Variants in ADGRA3 observed in about 807,000 individuals in gnomAD.
ADGRA3 encodes G-protein coupled receptor 125.
ADGRA3 carries 56 observed loss-of-function variants against 119.8 expected under a neutral mutation model. The observed-to-expected ratio is 0.47, with a 90% CI of 0.38 to 0.58. The LOEUF (loss-of-function observed/expected upper bound fraction) is 0.58, where lower values mean the gene tolerates loss of function less well. ADGRA3 is among the 20% of genes least tolerant of loss of function. The pLI is 0.00. For synonymous variants in ADGRA3, 607 were observed against 623.8 expected (o/e 0.97, Z 0.40); for missense variants, 1,516 against 1,649.0 (o/e 0.92, Z 1.40).
chr4:22,388,899 G>A lies in ADGRA3; in HGVS notation c.2772C>T (p.Ala924=). Residue 924 remains alanine, a synonymous_variant, in exon 19 of 19, where the codon GCC becomes GCT. Transcript: ENST00000334304. ...TGCAGTTTACAAAAGTGATGAAGCTGGCTGGCCCATAGAAGGCTCCCAAGG... is the reference window on the plus strand; with the variant it reads ...TGCAGTTTACAAAAGTGATGAAGCTAGCTGGCCCATAGAAGGCTCCCAAGG... ...EPSLGAFYGP[A]SFITFVNCMY... is the part of the protein sequence containing the mutation. 6.2e-7 allele frequency: 1 copy of A among 1,614,116 alleles called. No homozygotes were observed.
intron 7 of ADGRA3, among the ~76,000 whole-genome samples, chr4:22,441,744 T>C (rs947613027): frequency 6.6e-6 from 1 of 152,110 alleles, no homozygotes; most frequent in Non-Finnish European, 1.5e-5. Flanking sequence ...ATTGCCCACA[T>C]GTTGGAATTA....
intron 1 of ADGRA3, among the ~76,000 whole-genome samples, chr4:22,498,957 C>CA (rs1718952251): frequency 6.6e-6 from 1 of 151,254 alleles, no homozygotes; most frequent in South Asian, 2.1e-4. Flanking sequence ...AATCAGTTAA[C>CA]AAAAAGACAG....
chr4:22,491,240 C>T (rs1718611774), intron 1 of ADGRA3, among the ~76,000 whole-genome samples: 1 of 152,134 alleles, frequency 6.6e-6, no homozygotes, highest in South Asian at 2.1e-4. Flanking sequence ...AACTCCAGGG[C>T]AGAAGTCAAG....
chr4:22,445,008 G>C lies in ADGRA3; in HGVS notation c.671C>G (p.Pro224Arg), dbSNP rs930614453. Residue 224 changes from proline to arginine, a missense_variant, in exon 6 of 19, where the codon CCA becomes CGA. By Grantham distance (103) the Pro-to-Arg change is moderately radical. Transcript: ENST00000334304. ...CVYPKSLQAQ[P>R]VTGVKQELLT... is the part of the protein sequence containing the mutation. The stretch of plus-strand genomic sequence containing the variant: ...CAGCTCCTGCTTCACGCCTGTGACT[G>C]GTTGGGCCTGCAGTGACTTAGGATA... The C allele has an allele frequency of 6.2e-7, 1 of 1,613,642 alleles. No individual in the cohort carries two copies. The highest frequency in any genetic ancestry group is 8.5e-7 in the Non-Finnish European group (1 of 1,179,908).
chr4:22,466,544 T>C lies in ADGRA3; in HGVS notation c.330-4736A>G, dbSNP rs561322387. On this transcript the variant is annotated intron_variant, in intron 2 of 18. Transcript: ENST00000334304. ...GAGTTCGAGAACAGCCTGGCCAACATGGTGAAACCCCGTCTCTACTAAAAA... is the reference window on the plus strand; with the variant it reads ...GAGTTCGAGAACAGCCTGGCCAACACGGTGAAACCCCGTCTCTACTAAAAA... 2.6e-5 allele frequency among the ~76,000 whole-genome samples: 4 copies of C among 152,228 alleles called. No individual in the cohort carries two copies. In the South Asian group the frequency reaches 8.3e-4, roughly 32 times the overall value.
At chr4:22,437,462 C>T (rs925248251) in intron 8 of ADGRA3, among the ~76,000 whole-genome samples, 3 of 152,118 alleles carry the variant, frequency 2.0e-5, no homozygotes, top group African/African-American at 7.2e-5. Flanking sequence ...AATAAACAAT[C>T]TTTATGCTGC....
chr4:22,500,059 T>C (rs1577385921), intron 1 of ADGRA3, among the ~76,000 whole-genome samples: 1 of 152,276 alleles, frequency 6.6e-6, no homozygotes, highest in South Asian at 2.1e-4. Context: ...CCAAGAAGTT[T>C]TGGATTTTGG....
rs1275408318 is a variant in ADGRA3 at position 22,495,308 on chromosome 4, G to A, written c.257+20220C>T. On this transcript the variant is annotated intron_variant, in intron 1 of 18. Transcript: ENST00000334304. The stretch of plus-strand genomic sequence containing the variant: ...AAAACTTATGGCTGCGCACAGTGGC[G>A]CACACCTATAATCCCAGCACATTGA... Among the ~76,000 whole-genome samples the A allele has an allele frequency of 4.6e-5, 7 of 152,138 alleles. No individual in the cohort carries two copies. In the East Asian group the frequency reaches 1.2e-3, roughly 25 times the overall value.
At chr4:22,486,862 G>T (rs56965161) in intron 1 of ADGRA3, among the ~76,000 whole-genome samples, 2,370 of 152,206 alleles carry the variant, frequency 0.016, 66 homozygotes, top group African/African-American at 0.053. Flanking sequence ...ATCATCCCAG[G>T]CCTTTCTAAG....
chr4:22,513,775 G>C (rs550720028), intron 1 of ADGRA3, among the ~76,000 whole-genome samples: 5 of 137,650 alleles, frequency 3.6e-5, no homozygotes, highest in Admixed American at 7.8e-5. Flanking sequence ...ACCTCACAAA[G>C]CCCTGGGATT....
At chr4:22,501,526 T>C (rs1719047926) in intron 1 of ADGRA3, among the ~76,000 whole-genome samples, 2 of 151,996 alleles carry the variant, frequency 1.3e-5, no homozygotes, top group South Asian at 2.1e-4. Flanking sequence ...GAATGAGTCA[T>C]GTTATACTCA....
intron 1 of ADGRA3, among the ~76,000 whole-genome samples, chr4:22,507,045 T>C (rs898954948): frequency 6.7e-6 from 1 of 150,030 alleles, no homozygotes; most frequent in Non-Finnish European, 1.5e-5. Flanking sequence ...AGAGTATCCT[T>C]GCTAACACGA....
At chr4:22,468,789 G>A (rs1717754764) in intron 2 of ADGRA3, among the ~76,000 whole-genome samples, 2 of 151,358 alleles carry the variant, frequency 1.3e-5, no homozygotes, top group Non-Finnish European at 1.5e-5. Context: ...AAAAGATAGA[G>A]ATGGAAGAAG....
intron 2 of ADGRA3, among the ~76,000 whole-genome samples, chr4:22,466,722 A>C (rs1485568013): frequency 1.3e-5 from 2 of 151,944 alleles, no homozygotes; most frequent in African/African-American, 4.8e-5. Context: ...CAAAAAAAAA[A>C]ACTTGTGAAC....
Position 22,438,436 on chromosome 4 carries a change from T to C in ADGRA3, c.921-16A>G. 1 of 1,602,132 alleles carries C rather than the reference T, an allele frequency of 6.2e-7. No homozygotes were observed. On this transcript the variant is annotated splice_polypyrimidine_tract_variant and intron_variant, in intron 7 of 18. Transcript: ENST00000334304. The stretch of plus-strand genomic sequence containing the variant: ...GGTTAGGGCACTGCATAAAGAAAGA[T>C]TTTAAAAAGAGAGAAAATATAATTA...
chr4:22,440,244 C>A (rs1450135775), intron 7 of ADGRA3, among the ~76,000 whole-genome samples: 1 of 152,094 alleles, frequency 6.6e-6, no homozygotes, highest in African/African-American at 2.4e-5. Flanking sequence ...TCCTGGATAA[C>A]TTTTAGCAAT....
chr4:22,444,745 TG>T (rs1716764276), intron 6 of ADGRA3, among the ~76,000 whole-genome samples: 1 of 151,784 alleles, frequency 6.6e-6, no homozygotes, highest in Admixed American at 6.6e-5. Context: ...TAAAGAAAGC[TG>T]ATGTGAACCT....
At chr4:22,443,424 G>T (rs192081419) in intron 6 of ADGRA3, among the ~76,000 whole-genome samples, 2 of 151,984 alleles carry the variant, frequency 1.3e-5, no homozygotes, top group Admixed American at 6.5e-5. Flanking sequence ...GTACACAAAT[G>T]ACACTAGTTC....
intron 12 of ADGRA3, 99 bp downstream of exon 12, chr4:22,420,787 A>G: frequency 8.2e-7 from 1 of 1,212,348 alleles, no homozygotes. Context: ...CTTCCTGCAA[A>G]AAAAAAATCT....
Sources: gnomAD v4.1 joint callset for allele counts (sites outside exome capture counted in the v4.1 genomes callset) on GRCh38, gnomAD v4.1.1 for gene constraint, MANE v1.5 for transcripts, NCBI Gene and HGNC (gene_info 2026-07-23, HGNC 2026-07-21) for gene names.